Variants in MBTPS1 observed in about 807,000 individuals in gnomAD.
MBTPS1 encodes the protein membrane bound transcription factor peptidase, site 1.
MBTPS1 carries 94 observed loss-of-function variants against 127.8 expected under a neutral mutation model. That is an observed-to-expected ratio of 0.74 (90% CI 0.62 to 0.87). The LOEUF (loss-of-function observed/expected upper bound fraction) is 0.87. Among genes scored for constraint, MBTPS1 ranks in the 40% least tolerant of loss-of-function variants. MBTPS1 has a pLI of 0.00. For synonymous variants in MBTPS1, 632 were observed against 509.4 expected (o/e 1.24, Z -3.24); for missense variants, 1,636 against 1,353.2 (o/e 1.21, Z -3.28).
At chr16:84,055,678 C>T (rs1252076752) in intron 22 of MBTPS1, among the ~76,000 whole-genome samples, 1 of 132,056 alleles carries the variant, frequency 7.6e-6, no homozygotes, top group Non-Finnish European at 1.7e-5. Flanking sequence ...CTGTAAGGGA[C>T]GTTAATAGGT....
chr16:84,101,724 A>C lies in MBTPS1; in HGVS notation c.60T>G (p.His20Gln). The C allele has an allele frequency of 6.2e-7, 1 of 1,614,184 alleles. No individual in the cohort carries two copies. Among genetic ancestry groups the C allele is most frequent in the Non-Finnish European group, 8.5e-7 (1 of 1,180,012 alleles). ...LLVVLLCGKK[H>Q]LGDRLEKKSF... ...ATTTCTTTTCCAGTCTGTCGCCCAG[A>C]TGTTTCTTCCCACAGAGCAAAACCA... The change falls in exon 2 of 23, where the codon CAT becomes CAG. Residue 20 changes from histidine to glutamine, a missense_variant. By Grantham distance (24) the His-to-Gln change is conservative. Coordinates refer to ENST00000343411, the MANE Select transcript of MBTPS1 (RefSeq NM_003791.4).
Position 84,101,792 on chromosome 16 carries a change from G to A in MBTPS1, c.-9C>T, listed in dbSNP as rs757632641. On this transcript the variant is annotated 5_prime_UTR_variant, in exon 2 of 23. Transcript: ENST00000343411. Reference sequence around the variant, plus strand: ...ATGTTGACAAGCTTCATGGTCACAAGCGAATATGATCATAAAATTGCATAT... The same window carrying A: ...ATGTTGACAAGCTTCATGGTCACAAACGAATATGATCATAAAATTGCATAT... 2.1e-5 allele frequency: 33 copies of A among 1,604,514 alleles called. No individual in the cohort carries two copies. The highest frequency in any genetic ancestry group is 2.6e-5 in the Non-Finnish European group (31 of 1,175,062).
chr16:84,074,813 A>T, intron 11 of MBTPS1, 72 bp from the exon 12 acceptor site: 1 of 1,390,176 alleles, frequency 7.2e-7, no homozygotes, highest in Non-Finnish European at 9.9e-7. Context: ...ACTGTACAAG[A>T]CAGAGTTAAC....
chr16:84,090,941 A>T lies in MBTPS1; in HGVS notation c.965T>A (p.Val322Glu). ...TACATTGTTAGCTGTTAATTCCCAC[A>T]CCTACAAAAGGAGCATTTATTTAAT... ...DFMDHPFVDK[V>E]WELTANNVIM... is the part of the protein sequence containing the mutation. Residue 322 changes from valine to glutamate, a missense_variant and splice_region_variant, in exon 8 of 23, where the codon GTG becomes GAG. Coordinates refer to ENST00000343411, the MANE Select transcript of MBTPS1 (RefSeq NM_003791.4). 1.2e-6 allele frequency: 2 copies of T among 1,607,476 alleles called. No homozygotes were observed. Among genetic ancestry groups the T allele is most frequent in the Non-Finnish European group, 1.7e-6 (2 of 1,175,004 alleles).
chr16:84,106,163 C>T (rs1415731988), intron 1 of MBTPS1, among the ~76,000 whole-genome samples: 2 of 152,048 alleles, frequency 1.3e-5, no homozygotes, highest in Non-Finnish European at 2.9e-5. Context: ...TGCGTGGCGA[C>T]AGGCGCCTGT....
Position 84,069,853 on chromosome 16 carries a change from G to C in MBTPS1, c.1955+13C>G. On this transcript the variant is annotated intron_variant, in intron 14 of 22. Transcript: ENST00000343411. Reference sequence around the variant, plus strand: ...AGGCTGGGGAGGTGAAGTGCATCCTGTGAGGTGCTTACCAGTCTAAAGGGT... The same window carrying C: ...AGGCTGGGGAGGTGAAGTGCATCCTCTGAGGTGCTTACCAGTCTAAAGGGT... 6.2e-7 allele frequency: 1 copy of C among 1,609,866 alleles called. No homozygotes were observed. Among genetic ancestry groups the C allele is most frequent in the Non-Finnish European group, 8.5e-7 (1 of 1,178,362 alleles).
intron 1 of MBTPS1, among the ~76,000 whole-genome samples, chr16:84,106,147 T>C (rs767343579): frequency 5.3e-5 from 8 of 151,880 alleles, no homozygotes; most frequent in Admixed American, 1.3e-4. Context: ...ACAAAAAAAT[T>C]AGTCGTGCGT....
At chr16:84,082,772 T>C (rs1298351163) in intron 10 of MBTPS1, among the ~76,000 whole-genome samples, 5 of 152,168 alleles carry the variant, frequency 3.3e-5, no homozygotes, top group African/African-American at 1.2e-4. Flanking sequence ...AGATTCTTAA[T>C]GACAGAAGAA....
chr16:84,112,046 C>T (rs2086404951), intron 1 of MBTPS1, among the ~76,000 whole-genome samples: 1 of 151,834 alleles, frequency 6.6e-6, no homozygotes, highest in South Asian at 2.1e-4. Context: ...ACTAAAAATA[C>T]AAAAAATTAG....
At chr16:84,085,575 C>CCT in intron 9 of MBTPS1, among the ~76,000 whole-genome samples, 1 of 95,840 alleles carries the variant, frequency 1.0e-5, no homozygotes, top group Admixed American at 1.1e-4. Context: ...GCACCCGCCC[C>CCT]CCCCCCAAAA....
intron 8 of MBTPS1, 65 bp downstream of exon 8, chr16:84,090,810 T>C: frequency 8.7e-6 from 10 of 1,142,922 alleles, no homozygotes; most frequent in Non-Finnish European, 1.2e-5. Context: ...CACAAACAGA[T>C]AACAATTTTT....
chr16:84,104,518 G>A (rs896036745), intron 1 of MBTPS1, among the ~76,000 whole-genome samples: 14 of 152,052 alleles, frequency 9.2e-5, no homozygotes, highest in African/African-American at 3.4e-4. Flanking sequence ...TCTGCCTCAA[G>A]CTAAAGAATC....
At chr16:84,066,947 T>C (rs10445049) in intron 16 of MBTPS1, among the ~76,000 whole-genome samples, 6,738 of 152,256 alleles carry the variant, frequency 0.044, 202 homozygotes, top group Middle Eastern at 0.078. Flanking sequence ...CAGTCACAGA[T>C]TCTAAAGAAA....
At chr16:84,085,765 G>A (rs2086013531) in intron 9 of MBTPS1, among the ~76,000 whole-genome samples, 1 of 151,932 alleles carries the variant, frequency 6.6e-6, no homozygotes, top group African/African-American at 2.4e-5. Flanking sequence ...GTGGACACTG[G>A]CTTATCACCA....
chr16:84,070,971 A>G (rs1330558044), intron 12 of MBTPS1, among the ~76,000 whole-genome samples, 195 bp from the exon 13 acceptor site: 6 of 152,260 alleles, frequency 3.9e-5, no homozygotes, highest in East Asian at 1.9e-4. Context: ...ACGTATCACT[A>G]GAAAAGTCTA....
chr16:84,054,347 A>T lies in MBTPS1; in HGVS notation c.*102T>A. On this transcript the variant is annotated 3_prime_UTR_variant, in exon 23 of 23. Transcript: ENST00000343411. The stretch of plus-strand genomic sequence containing the variant: ...CAGACTCTAACAAACCTGCAGCTGG[A>T]AACTGGATCCCTTTTAAACCAGCCG... 9.3e-7 allele frequency: 1 copy of T among 1,069,614 alleles called. No homozygotes were observed. The highest frequency in any genetic ancestry group is 1.3e-6 in the Non-Finnish European group (1 of 769,344). 66.3% of individuals were successfully genotyped at this position (1,069,614 alleles called of 1,614,324 possible).
chr16:84,087,486 A>G, intron 8 of MBTPS1, 26 bp from the exon 9 acceptor site: 1 of 1,380,336 alleles, frequency 7.2e-7, no homozygotes, highest in Non-Finnish European at 1.0e-6. Context: ...AAAAAAAAAA[A>G]AAGAAAAGAA....
chr16:84,101,196 A>T (rs902632306), intron 2 of MBTPS1, among the ~76,000 whole-genome samples: 2 of 152,150 alleles, frequency 1.3e-5, no homozygotes, highest in South Asian at 4.2e-4. Flanking sequence ...GCTGCTCAGG[A>T]GGCTGAGGCA....
At chr16:84,057,773 A>ATTAC (rs2085542856) in intron 21 of MBTPS1, 1 of 152,250 alleles carries the variant, frequency 6.6e-6, no homozygotes, top group Admixed American at 6.5e-5. Context: ...AGAAGAAGGA[A>ATTAC]TTACTGAGTG....
Sources: allele counts gnomAD v4.1 joint callset (sites outside exome capture counted in the v4.1 genomes callset), GRCh38; gene constraint gnomAD v4.1.1; transcripts MANE v1.5; gene names NCBI Gene and HGNC (gene_info 2026-07-23, HGNC 2026-07-21).